Variants in TMEM71 observed in about 807,000 individuals in gnomAD.
TMEM71 encodes the protein transmembrane protein 71.
A neutral mutation model predicts 38.0 loss-of-function variants in TMEM71; 44 were observed. That is an observed-to-expected ratio of 1.16 (90% CI 0.91 to 1.49). The LOEUF (loss-of-function observed/expected upper bound fraction) is 1.49. Among genes scored for constraint, TMEM71 ranks in the 40% most tolerant of loss-of-function variants. The probability of loss-of-function intolerance (pLI) is 0.00; values close to 1 mark genes in which losing one functional copy is unlikely to be tolerated. For missense variants in TMEM71, 367 were observed against 348.6 expected (o/e 1.05, Z -0.42); for synonymous variants, 133 against 122.5 (o/e 1.09, Z -0.56).
chr8:132,757,138 C>T (rs1198309135), intron 3 of TMEM71, 96 bp downstream of exon 3: 6 of 738,708 alleles, frequency 8.1e-6, no homozygotes, highest in Non-Finnish European at 1.1e-5. Context: ...CCTCGTGATC[C>T]GCCTGCCTCG....
At chr8:132,764,761 A>C (rs1829343147), upstream of TMEM71, among the ~76,000 whole-genome samples, 1 of 152,218 alleles carries the variant, frequency 6.6e-6, no homozygotes, top group East Asian at 1.9e-4. Context: ...TTCCTTTCAG[A>C]GGATGCATCA....
chr8:132,723,772 T>G (rs1482309423), intron 6 of TMEM71, among the ~76,000 whole-genome samples: 3 of 152,204 alleles, frequency 2.0e-5, no homozygotes, highest in Non-Finnish European at 4.4e-5. Flanking sequence ...ACTGATTTTT[T>G]CTGACTTTCC....
At chr8:132,712,720 C>T (rs933860112) in intron 9 of TMEM71, among the ~76,000 whole-genome samples, 35 of 152,176 alleles carry the variant, frequency 2.3e-4, no homozygotes, top group African/African-American at 7.9e-4. Flanking sequence ...AAACTTGGTA[C>T]CCCATACCGT....
At chr8:132,765,992 C>T in the TMEM71 span, among the ~76,000 whole-genome samples, 15 of 152,064 alleles carry the variant, frequency 9.9e-5, no homozygotes, top group South Asian at 3.1e-3. Flanking sequence ...CCATGTTGGC[C>T]AGGCTTGTCT....
upstream of TMEM71, among the ~76,000 whole-genome samples, chr8:132,762,757 C>T (rs76807838): frequency 5.2e-3 from 789 of 152,254 alleles, 2 homozygotes; most frequent in Non-Finnish European, 9.0e-3. Flanking sequence ...AGATGGCTCT[C>T]GAGTTTGCTT....
chr8:132,746,310 ATATAT>A (rs1474737353), intron 5 of TMEM71, among the ~76,000 whole-genome samples: 2 of 148,806 alleles, frequency 1.3e-5, no homozygotes, highest in South Asian at 2.1e-4. Context: ...TGTATTGAAT[ATATAT>A]TATATTTCAA....
intron 9 of TMEM71, among the ~76,000 whole-genome samples, chr8:132,712,366 G>A (rs1563740648): frequency 6.6e-6 from 1 of 152,086 alleles, no homozygotes; most frequent in Non-Finnish European, 1.5e-5. Context: ...TCTTTTGGGA[G>A]AGAACAAACA....
chr8:132,743,465 C>T (rs1828162334), intron 5 of TMEM71, among the ~76,000 whole-genome samples: 1 of 152,144 alleles, frequency 6.6e-6, no homozygotes, highest in Admixed American at 6.5e-5. Context: ...TTTTATACTA[C>T]TATTATCCCA....
chr8:132,708,228 T>C (rs1826123050), downstream of TMEM71, among the ~76,000 whole-genome samples: 1 of 152,116 alleles, frequency 6.6e-6, no homozygotes, highest in Non-Finnish European at 1.5e-5. Flanking sequence ...TGACATCCAG[T>C]GATGTACAAG....
chr8:132,714,173 T>C lies in TMEM71; in HGVS notation c.795A>G (p.Ser265=). Residue 265 remains serine (S), a synonymous_variant, in exon 8 of 10, where the codon TCA becomes TCG. Transcript: ENST00000677595. The part of the protein sequence containing the change: ...GEILASVFTC[S]LMITVAYVKS... ...ACTTACAAGCTACAGTTATCATCAA[T>C]GAGCATGTGAAGACACTGGCTAATA... is the stretch of plus-strand genomic sequence containing the variant. The C allele has an allele frequency of 2.5e-6, 4 of 1,613,060 alleles. No homozygotes were observed. The highest frequency in any genetic ancestry group is 2.5e-6 in the Non-Finnish European group (3 of 1,179,660).
At chr8:132,732,160 C>A (rs1337532110) in intron 5 of TMEM71, among the ~76,000 whole-genome samples, 2 of 152,130 alleles carry the variant, frequency 1.3e-5, no homozygotes, top group Non-Finnish European at 2.9e-5. Context: ...AATTAGGATG[C>A]AATGAGGTAA....
At chr8:132,739,110 T>A (rs760781461) in intron 5 of TMEM71, among the ~76,000 whole-genome samples, 3 of 152,136 alleles carry the variant, frequency 2.0e-5, no homozygotes, top group African/African-American at 4.8e-5. Context: ...TTAAGAAAAA[T>A]CATAGCCATG....
chr8:132,712,968 A>T (rs1826314584), intron 9 of TMEM71, among the ~76,000 whole-genome samples: 1 of 151,826 alleles, frequency 6.6e-6, no homozygotes, highest in Non-Finnish European at 1.5e-5. Context: ...CCTCCATCTT[A>T]GTCTCCCCAG....
chr8:132,775,080 G>A, the TMEM71 span, among the ~76,000 whole-genome samples: 2 of 152,232 alleles, frequency 1.3e-5, no homozygotes, highest in Non-Finnish European at 2.9e-5. Flanking sequence ...CAAGGGTCCT[G>A]GGTAAAGGGG....
downstream of TMEM71, among the ~76,000 whole-genome samples, chr8:132,708,210 C>T (rs1826122792): frequency 6.6e-6 from 1 of 152,124 alleles, no homozygotes; most frequent in Non-Finnish European, 1.5e-5. Flanking sequence ...TGGCCATTGG[C>T]AGAGAGCTGA....
the TMEM71 span, chr8:132,775,340 T>C: frequency 2.9e-6 from 1 of 349,810 alleles, no homozygotes; most frequent in Non-Finnish European, 5.1e-6. Context: ...CAGGCCCGCT[T>C]CCGGCACGTC....
chr8:132,749,098 A>G (rs1828551138), intron 4 of TMEM71, among the ~76,000 whole-genome samples: 1 of 152,226 alleles, frequency 6.6e-6, no homozygotes, highest in African/African-American at 2.4e-5. Context: ...ATTGGCAGTT[A>G]TGTAAGGTGA....
At chr8:132,775,199 G>A in the TMEM71 span, among the ~76,000 whole-genome samples, 1 of 151,722 alleles carries the variant, frequency 6.6e-6, no homozygotes. Context: ...AAGAGCTCGC[G>A]TTCTTTCCTC....
In TMEM71 at chr8:132,751,782, T is replaced by G. The variant is rs927053550; in HGVS notation, c.314+3A>C. 6.2e-7 allele frequency: 1 copy of G among 1,612,448 alleles called. No homozygotes were observed. The highest frequency in any genetic ancestry group is 8.5e-7 in the Non-Finnish European group (1 of 1,179,510). ...ATTTCTTTCTGTAATATGCTCTGCT[T>G]ACCTAACTAAGTTCTCCTTATACAT... On this transcript the variant is annotated splice_donor_region_variant and intron_variant, in intron 4 of 9. Coordinates refer to ENST00000677595, the MANE Select transcript of TMEM71 (RefSeq NM_001382403.1).
Sources: allele counts gnomAD v4.1 joint callset (sites outside exome capture counted in the v4.1 genomes callset), GRCh38; gene constraint gnomAD v4.1.1; transcripts MANE v1.5; gene names NCBI Gene and HGNC (gene_info 2026-07-23, HGNC 2026-07-21).